SERAC1: variants seen among roughly 807,000 people sequenced by gnomAD.
The protein encoded by SERAC1 is serine active site containing 1.
SERAC1 carries 36 observed loss-of-function variants against 85.7 expected under a neutral mutation model. The ratio of observed to expected loss-of-function variants is 0.42; its 90% CI spans 0.32 to 0.55. The LOEUF (loss-of-function observed/expected upper bound fraction) is 0.55, where lower values mean the gene tolerates loss of function less well. Among genes scored for constraint, SERAC1 ranks in the 20% least tolerant of loss-of-function variants. SERAC1 has a pLI of 0.11. For synonymous variants in SERAC1, 242 were observed against 265.3 expected, an observed-to-expected ratio of 0.91 and a Z score of 0.85; for missense variants, 629 against 796.2, an observed-to-expected ratio of 0.79 and a Z score of 2.53.
In SERAC1 at chr6:158,143,140, T is replaced by G. The variant is rs764501974; in HGVS notation, c.654A>C (p.Leu218Phe). The part of the protein sequence containing the change: ...EEELRQLLAS[L>F]PQTELDECIQ... Reference sequence around the variant, plus strand: ...TACACTCATCTAGCTCTGTTTGAGGTAAGGAAGCCAGCAACTGTCTGAGCT... The same window carrying G: ...TACACTCATCTAGCTCTGTTTGAGGGAAGGAAGCCAGCAACTGTCTGAGCT... The change falls in exon 8 of 17, where the codon TTA (leucine) becomes TTC (phenylalanine). Residue 218 changes from leucine to phenylalanine, a missense_variant. By Grantham distance (22) the Leu-to-Phe change is conservative. Transcript: ENST00000647468. The G allele has an allele frequency of 6.2e-6, 10 of 1,613,650 alleles. No individual in the cohort carries two copies. The highest frequency in any genetic ancestry group is 8.5e-6 in the Non-Finnish European group (10 of 1,179,738).
At chr6:158,112,013 C>T (rs1362243560) in intron 16 of SERAC1, 1 of 152,482 alleles carries the variant, frequency 6.6e-6, no homozygotes, top group African/African-American at 2.4e-5. Context: ...CTAGTGAGGC[C>T]ACCTAGGTGA....
At chr6:158,137,751 C>T (rs1179402850) in intron 8 of SERAC1, among the ~76,000 whole-genome samples, 1 of 151,898 alleles carries the variant, frequency 6.6e-6, no homozygotes, top group Non-Finnish European at 1.5e-5. Context: ...TAGTGGTACA[C>T]GCCTGTAGTC....
intron 1 of SERAC1, among the ~76,000 whole-genome samples, chr6:158,165,388 C>A (rs759090990): frequency 3.9e-4 from 60 of 152,222 alleles, no homozygotes; most frequent in African/African-American, 1.0e-3. Context: ...ATCTCCTGAC[C>A]TCGTGATCCA....
chr6:158,167,221 G>GT (rs1354307303), intron 1 of SERAC1, among the ~76,000 whole-genome samples: 1 of 85,066 alleles, frequency 1.2e-5, no homozygotes, highest in Non-Finnish European at 2.1e-5. Context: ...CACACACGAT[G>GT]TTAAAAAAAA....
Position 158,150,470 on chromosome 6 carries a change from T to G in SERAC1, c.248A>C (p.Asp83Ala). The change falls in exon 4 of 17, where the codon GAC (aspartate) becomes GCC (alanine). Residue 83 changes from aspartate to alanine, a missense_variant. Transcript: ENST00000647468. ...AAACTTACCATGATTTTCTCCTTTG[T>G]CTAAAGAAACTGTGTGCACATATAT... is the stretch of plus-strand genomic sequence containing the variant. ...SYIYVHTVSL[D>A]KGENHGIAWQ... 3 of 1,571,792 alleles carry G rather than the reference T, an allele frequency of 1.9e-6. No individual in the cohort carries two copies. Among genetic ancestry groups the G allele is most frequent in the Non-Finnish European group, 2.6e-6 (3 of 1,144,438 alleles).
At chr6:158,159,082 C>G (rs1212226443) in intron 1 of SERAC1, 2 of 151,854 alleles carry the variant, frequency 1.3e-5, no homozygotes, top group Non-Finnish European at 2.9e-5. Context: ...AAGGAAGGTA[C>G]CTTGAAGGTA....
chr6:158,112,289 T>TGTG, intron 16 of SERAC1: 1 of 152,562 alleles, frequency 6.6e-6, no homozygotes, highest in Non-Finnish European at 1.5e-5. Context: ...GGTGTGCGCC[T>TGTG]GTGGTCCCAG....
At chr6:158,113,859 G>A (rs1022295551) in intron 15 of SERAC1, among the ~76,000 whole-genome samples, 2 of 152,008 alleles carry the variant, frequency 1.3e-5, no homozygotes, top group Non-Finnish European at 2.9e-5. Flanking sequence ...CTGGTGTGTG[G>A]GACCACAGGG....
intron 10 of SERAC1, among the ~76,000 whole-genome samples, chr6:158,127,402 G>A (rs1294708168): frequency 7.2e-4 from 35 of 48,854 alleles, no homozygotes; most frequent in Admixed American, 1.6e-3. Context: ...CCGGCCAGCC[G>A]CCCCGTCCGG....
chr6:158,129,094 G>T (rs182005547), intron 9 of SERAC1, among the ~76,000 whole-genome samples: 116 of 152,244 alleles, frequency 7.6e-4, no homozygotes, highest in African/African-American at 2.7e-3. Flanking sequence ...TATCAAGTGA[G>T]ATCTGCAATA....
intron 6 of SERAC1, 118 bp downstream of exon 6, chr6:158,146,664 C>G (rs1226865531): frequency 2.4e-6 from 3 of 1,273,438 alleles, no homozygotes; most frequent in East Asian, 2.5e-5. Context: ...ACCAGCGTGG[C>G]CTCCCAAAGT....
At chr6:158,129,681 T>A (rs1302096824) in intron 9 of SERAC1, among the ~76,000 whole-genome samples, 1 of 148,404 alleles carries the variant, frequency 6.7e-6, no homozygotes, top group Non-Finnish European at 1.5e-5. Context: ...ATCTAATATT[T>A]CCTTGTTTTT....
intron 1 of SERAC1, 95 bp from the exon 2 acceptor site, chr6:158,158,459 AC>A (rs1192672789): frequency 1.2e-6 from 1 of 858,756 alleles, no homozygotes; most frequent in African/African-American, 1.7e-5. Flanking sequence ...ACAGTGGATG[AC>A]CCACAGAGTT....
At position 158,119,039 on chromosome 6, in the gene SERAC1, C is replaced by T. The variant is rs1428321684; in HGVS notation, c.1298G>A (p.Cys433Tyr). 1 of 1,612,750 alleles carries T rather than the reference C, an allele frequency of 6.2e-7. No individual in the cohort carries two copies. The highest frequency in any genetic ancestry group is 1.3e-5 in the African/African-American group (1 of 75,008). Residue 433 changes from cysteine to tyrosine, a missense_variant, in exon 12 of 17, where the codon TGC becomes TAC. By Grantham distance (194) the Cys-to-Tyr change is radical. Transcript: ENST00000647468. This position sits in a 1 kb window ranked among gnomAD's most constrained non-coding sequence, Gnocchi z 4.5. The stretch of plus-strand genomic sequence containing the variant: ...CAGTGGCTCCCTTACCTTGGGCCAG[C>T]ACGTCGTATATCTGTCTTCATCCTC... The part of the protein sequence containing the change: ...PMEDEDRYTT[C>Y]WPKTWLAKDC...
At chr6:158,164,825 G>C (rs970603216) in intron 1 of SERAC1, among the ~76,000 whole-genome samples, 2 of 152,136 alleles carry the variant, frequency 1.3e-5, no homozygotes, top group South Asian at 4.1e-4. Flanking sequence ...CACTTACAAA[G>C]AATTGGCTAA....
chr6:158,132,484 G>A (rs1241154722), intron 8 of SERAC1, among the ~76,000 whole-genome samples: 1 of 152,078 alleles, frequency 6.6e-6, no homozygotes, highest in Non-Finnish European at 1.5e-5. Context: ...TTGTCGGGGG[G>A]TAGGAATTTT....
chr6:158,156,174 A>C (rs955137025), intron 2 of SERAC1, among the ~76,000 whole-genome samples: 6 of 152,184 alleles, frequency 3.9e-5, no homozygotes, highest in African/African-American at 1.2e-4. Flanking sequence ...AATAAAATAC[A>C]GATTATATTC....
intron 8 of SERAC1, among the ~76,000 whole-genome samples, chr6:158,138,957 G>A (rs915586015): frequency 6.6e-6 from 1 of 152,066 alleles, no homozygotes; most frequent in Admixed American, 6.6e-5. Context: ...GCCCAAGCTG[G>A]AGTGCAGTGG....
intron 2 of SERAC1, 56 bp downstream of exon 2, chr6:158,158,217 C>A: frequency 7.5e-7 from 1 of 1,331,420 alleles, no homozygotes; most frequent in Non-Finnish European, 1.1e-6. Context: ...TTAGAAATGG[C>A]CACAATTCTA....
Sources: gnomAD v4.1 joint callset for allele counts (sites outside exome capture counted in the v4.1 genomes callset) on GRCh38, gnomAD v4.1.1 for gene constraint, Gnocchi (gnomAD v3.1) non-coding constraint, MANE v1.5 for transcripts, NCBI Gene and HGNC (gene_info 2026-07-23, HGNC 2026-07-21) for gene names.